SHANK2: variants seen among roughly 807,000 people sequenced by gnomAD.
SHANK2 encodes SH3 and multiple ankyrin repeat domains protein 2.
A neutral mutation model predicts 133.7 loss-of-function variants in SHANK2; 43 were observed. The ratio of observed to expected loss-of-function variants is 0.32; its 90% CI spans 0.25 to 0.41. The LOEUF is 0.41. SHANK2 is among the 10% of genes least tolerant of loss of function. The pLI, the probability that SHANK2 is intolerant of heterozygous loss-of-function variation, is 1.00. For synonymous variants in SHANK2, 1,017 were observed against 952.8 expected (o/e 1.07, Z -1.24); for missense variants, 1,994 against 2,235.8 (o/e 0.89, Z 2.18).
intron 15 of SHANK2, among the ~76,000 whole-genome samples, chr11:70,662,493 AGGTGGCC>A (rs1212482223): frequency 6.6e-6 from 1 of 152,112 alleles, no homozygotes; most frequent in Non-Finnish European, 1.5e-5. Context: ...CAGCCTTGGA[AGGTGGCC>A]GGTGGCCGGT....
chr11:70,516,117 C>T (rs1258651621), intron 17 of SHANK2, among the ~76,000 whole-genome samples: 1 of 152,142 alleles, frequency 6.6e-6, no homozygotes, highest in African/African-American at 2.4e-5. Flanking sequence ...TTTGTGAATA[C>T]TGACAAATGG....
chr11:70,815,223 C>T (rs1555054038), intron 12 of SHANK2, among the ~76,000 whole-genome samples: 1 of 119,704 alleles, frequency 8.4e-6, no homozygotes, highest in East Asian at 2.2e-4. Flanking sequence ...CACACACACA[C>T]ACACACACAC....
intron 14 of SHANK2, among the ~76,000 whole-genome samples, chr11:70,700,199 C>G (rs1306986464): frequency 6.6e-6 from 1 of 152,202 alleles, no homozygotes; most frequent in African/African-American, 2.4e-5. Context: ...CAAAACACAA[C>G]AGGACTCCCC....
intron 7 of SHANK2, 58 bp downstream of exon 7, chr11:71,094,479 G>A: frequency 4.7e-6 from 7 of 1,503,612 alleles, no homozygotes; most frequent in South Asian, 1.3e-5. Flanking sequence ...ATGGGATGGG[G>A]CAGCCGCACG....
chr11:70,712,827 C>T (rs1414654932), intron 14 of SHANK2, among the ~76,000 whole-genome samples: 1 of 152,254 alleles, frequency 6.6e-6, no homozygotes, highest in Admixed American at 6.5e-5. Context: ...CACTGGTTTC[C>T]AGTAGTGGAA....
intron 9 of SHANK2, among the ~76,000 whole-genome samples, chr11:71,062,499 G>A (rs1950999705): frequency 6.6e-6 from 1 of 152,164 alleles, no homozygotes; most frequent in South Asian, 2.1e-4. Context: ...TGGCCCCTGG[G>A]GGTCTTGCTC....
intron 17 of SHANK2, among the ~76,000 whole-genome samples, chr11:70,539,646 C>T (rs1381653300): frequency 6.8e-6 from 1 of 146,292 alleles, no homozygotes; most frequent in Non-Finnish European, 1.5e-5. Flanking sequence ...CAGCTTCTCC[C>T]TGCCCAGACT....
intron 13 of SHANK2, among the ~76,000 whole-genome samples, chr11:70,799,814 G>C (rs1036485434): frequency 7.2e-5 from 11 of 152,164 alleles, no homozygotes; most frequent in South Asian, 4.2e-4. Flanking sequence ...TACACAGTAG[G>C]CCCTCAATGA....
At chr11:70,823,414 G>T (rs1268260796) in intron 11 of SHANK2, among the ~76,000 whole-genome samples, 1 of 143,912 alleles carries the variant, frequency 6.9e-6, no homozygotes, top group Non-Finnish European at 1.5e-5. Context: ...GGCGTTGGCA[G>T]AACTCGGGGG....
At chr11:71,223,495 C>A (rs1379570149) in intron 2 of SHANK2, among the ~76,000 whole-genome samples, 2 of 152,182 alleles carry the variant, frequency 1.3e-5, no homozygotes, top group African/African-American at 2.4e-5. Flanking sequence ...ATTTACATAT[C>A]ATTTACATTG....
At chr11:71,091,788 C>T (rs529845369) in intron 8 of SHANK2, among the ~76,000 whole-genome samples, 1 of 152,346 alleles carries the variant, frequency 6.6e-6, no homozygotes, top group South Asian at 2.1e-4. Context: ...GCATCATCTC[C>T]TCTCCCTGCC....
At chr11:70,645,036 A>G (rs1436404988) in intron 17 of SHANK2, among the ~76,000 whole-genome samples, 3 of 152,160 alleles carry the variant, frequency 2.0e-5, no homozygotes, top group Non-Finnish European at 4.4e-5. Context: ...AGCCTGGCCA[A>G]CATGGTGAAA....
chr11:70,469,819 C>G lies in SHANK2; in HGVS notation c.*3050G>C, dbSNP rs1263626447. 6.6e-6 allele frequency: 1 copy of G among 152,590 alleles called. No homozygotes were observed. Among genetic ancestry groups the G allele is most frequent in the African/African-American group, 2.4e-5 (1 of 41,416 alleles). 9.5% of individuals were successfully genotyped at this position (152,590 alleles called of 1,614,324 possible). A position where few individuals can be genotyped will look rare whatever the true frequency, so the allele number is the denominator to read the frequency against. On this transcript the variant is annotated 3_prime_UTR_variant, in exon 26 of 26. Transcript: ENST00000601538. Reference sequence around the variant, plus strand: ...ATGTAAAGTTCAGCAAATCAACAGTCACATTGAGTAATTTTTATATTATGT... The same window carrying G: ...ATGTAAAGTTCAGCAAATCAACAGTGACATTGAGTAATTTTTATATTATGT...
At chr11:70,475,394 C>T (rs2058649975) in intron 25 of SHANK2, among the ~76,000 whole-genome samples, 1 of 152,238 alleles carries the variant, frequency 6.6e-6, no homozygotes, top group East Asian at 1.9e-4. Context: ...TGGCCCAGAA[C>T]CCTCCAGGAG....
chr11:70,785,551 AGAG>A (rs1374970288), intron 14 of SHANK2, among the ~76,000 whole-genome samples: 3 of 152,176 alleles, frequency 2.0e-5, no homozygotes, highest in Non-Finnish European at 4.4e-5. Flanking sequence ...GGTTGCAGGG[AGAG>A]GAGTCTGTTC....
intron 2 of SHANK2, among the ~76,000 whole-genome samples, chr11:71,193,317 G>A (rs1453735123): frequency 2.0e-5 from 3 of 152,168 alleles, no homozygotes; most frequent in Non-Finnish European, 4.4e-5. Flanking sequence ...CAAGAGGAGT[G>A]TGTGAGTGTG....
intron 14 of SHANK2, among the ~76,000 whole-genome samples, chr11:70,795,843 A>C (rs1947898386): frequency 6.6e-6 from 1 of 152,242 alleles, no homozygotes; most frequent in South Asian, 2.1e-4. Context: ...GATGTCGGAA[A>C]GGCAAGGAAA....
chr11:71,123,850 C>A (rs1555102007), intron 3 of SHANK2, among the ~76,000 whole-genome samples: 1 of 152,104 alleles, frequency 6.6e-6, no homozygotes. Flanking sequence ...CTCTCTTCTC[C>A]TTGAGCTTCT....
intron 17 of SHANK2, among the ~76,000 whole-genome samples, chr11:70,589,861 G>A (rs1162371948): frequency 3.9e-5 from 6 of 152,090 alleles, no homozygotes; most frequent in Non-Finnish European, 7.4e-5. Flanking sequence ...ACTAGAATTC[G>A]AAGTGGAGCT....
Sources: allele counts gnomAD v4.1 joint callset (sites outside exome capture counted in the v4.1 genomes callset), GRCh38; gene constraint gnomAD v4.1.1; transcripts MANE v1.5; gene names NCBI Gene and HGNC (gene_info 2026-07-23, HGNC 2026-07-21).